The following CLEC16A variants were observed in gnomAD, a reference collection of about 807,000 sequenced individuals.
CLEC16A encodes the protein protein CLEC16A.
CLEC16A carries 51 observed loss-of-function variants against 109.5 expected under a neutral mutation model. The ratio of observed to expected loss-of-function variants is 0.47; its 90% CI spans 0.37 to 0.59. The LOEUF is 0.59. Among genes scored for constraint, CLEC16A ranks in the 20% least tolerant of loss-of-function variants. The pLI is 0.00. For synonymous variants in CLEC16A, 673 were observed against 564.2 expected (o/e 1.19, Z -2.73); for missense variants, 1,339 against 1,394.0 (o/e 0.96, Z 0.63).
Position 11,120,684 on chromosome 16 carries a change from T to C in CLEC16A, c.2186T>C (p.Val729Ala). 2 of 1,612,602 alleles carry C rather than the reference T, an allele frequency of 1.2e-6. No individual in the cohort carries two copies. The highest frequency in any genetic ancestry group is 1.1e-5 in the South Asian group (1 of 90,568). The change falls in exon 20 of 24, where the codon GTG (valine) becomes GCG (alanine). Residue 729 changes from valine to alanine, a missense_variant. Val to Ala is a moderately conservative substitution (Grantham distance 64). Coordinates refer to ENST00000409790, the MANE Select transcript of CLEC16A (RefSeq NM_015226.3). ...GGCATGGTCCAGCGATTCCTGGCTG[T>C]GGATATTTACCAGATGAGTTTGGTG... is the stretch of plus-strand genomic sequence containing the variant. Reference protein sequence around the residue: ...DGGMVQRFLAVDIYQMSLVEP... With the variant: ...DGGMVQRFLAADIYQMSLVEP...
chr16:10,952,129 C>T (rs1386929550), intron 1 of CLEC16A, among the ~76,000 whole-genome samples: 3 of 152,202 alleles, frequency 2.0e-5, no homozygotes, highest in Non-Finnish European at 2.9e-5. Flanking sequence ...ACCACGGTTG[C>T]CGTTTCTCTT....
chr16:11,112,250 C>T (rs985348687), intron 19 of CLEC16A, among the ~76,000 whole-genome samples: 17 of 152,168 alleles, frequency 1.1e-4, no homozygotes, highest in African/African-American at 3.9e-4. Context: ...GTTGCCTCTG[C>T]AGAGGGGCAC....
rs1175091218 is a variant in CLEC16A, at chr16:11,059,049, CAT to C, written c.1996-1852_1996-1851del. Among the ~76,000 whole-genome samples, 39 of 152,188 alleles carry C rather than the reference CAT, an allele frequency of 2.6e-4. 3 individuals are homozygous for C. Among genetic ancestry groups the C allele is most frequent in the African/African-American group, 2.4e-5 (1 of 41,442 alleles). ...CTGGTGCACTTGGTTAAGTGACACA[CAT>C]GTCATACATTCCTGAGTTCACACCC... is the stretch of plus-strand genomic sequence containing the variant. On this transcript the variant is annotated intron_variant, in intron 18 of 23. Transcript: ENST00000409790.
chr16:10,960,896 G>C (rs770804423), intron 2 of CLEC16A, among the ~76,000 whole-genome samples: 3 of 152,080 alleles, frequency 2.0e-5, no homozygotes, highest in Non-Finnish European at 4.4e-5. Context: ...GTATCCCCTC[G>C]ATATGCTCTC....
chr16:11,110,490 C>T (rs766378725), intron 19 of CLEC16A, among the ~76,000 whole-genome samples: 1 of 152,126 alleles, frequency 6.6e-6, no homozygotes, highest in Non-Finnish European at 1.5e-5. Context: ...TGAAAAACAA[C>T]CGAAAACCAT....
At chr16:11,161,023 C>T (rs2054704398) in intron 22 of CLEC16A, among the ~76,000 whole-genome samples, 1 of 152,204 alleles carries the variant, frequency 6.6e-6, no homozygotes, top group African/African-American at 2.4e-5. Flanking sequence ...GTAACTGCAA[C>T]CGAAAGGGAG....
chr16:11,089,643 C>T (rs906212117), intron 19 of CLEC16A, among the ~76,000 whole-genome samples: 1 of 152,196 alleles, frequency 6.6e-6, no homozygotes, highest in Non-Finnish European at 1.5e-5. Flanking sequence ...AGAAGCTTAC[C>T]CATCTGCTGA....
At chr16:11,173,056 A>G (rs957791989) in intron 23 of CLEC16A, among the ~76,000 whole-genome samples, 9 of 152,102 alleles carry the variant, frequency 5.9e-5, no homozygotes, top group African/African-American at 1.7e-4. Context: ...CCTGTGTCCA[A>G]GAGAGCCCCC....
chr16:11,164,670 G>A (rs116155717), intron 22 of CLEC16A, among the ~76,000 whole-genome samples: 2,250 of 152,336 alleles, frequency 0.015, 58 homozygotes, highest in African/African-American at 0.051. Context: ...CCATGTGGTC[G>A]CTATGGCAAC....
rs1323233981 is a variant in CLEC16A at position 11,051,661 on chromosome 16, G to C, written c.1995+20G>C. Reference sequence around the variant, plus strand: ...CGGCGGGTGAGTGAGCACAGGACCTGTCATCTCCTGGGCCACTGTTCTCCA... The same window carrying C: ...CGGCGGGTGAGTGAGCACAGGACCTCTCATCTCCTGGGCCACTGTTCTCCA... On this transcript the variant is annotated intron_variant, in intron 18 of 23. Coordinates refer to ENST00000409790, the MANE Select transcript of CLEC16A (RefSeq NM_015226.3). 2 of 1,610,728 alleles carry C rather than the reference G, an allele frequency of 1.2e-6. No homozygotes were observed. Among genetic ancestry groups the C allele is most frequent in the Admixed American group, 1.7e-5 (1 of 59,990 alleles).
chr16:11,059,196 TG>T (rs1436027685), intron 18 of CLEC16A, among the ~76,000 whole-genome samples: 1 of 152,316 alleles, frequency 6.6e-6, no homozygotes, highest in South Asian at 2.1e-4. Flanking sequence ...ACCCCGTAAG[TG>T]CTTAAAAAAT....
intron 22 of CLEC16A, among the ~76,000 whole-genome samples, chr16:11,163,662 T>C (rs1208655056): frequency 3.3e-5 from 5 of 152,234 alleles, no homozygotes; most frequent in African/African-American, 1.2e-4. Flanking sequence ...ACCAGGTTTA[T>C]GATGCTGTAA....
chr16:11,167,409 C>T (rs1342641720), intron 23 of CLEC16A, among the ~76,000 whole-genome samples: 2 of 152,190 alleles, frequency 1.3e-5, no homozygotes, highest in Non-Finnish European at 2.9e-5. Flanking sequence ...AGCCCTCACT[C>T]ATCATATTTC....
At chr16:11,166,263 C>G (rs183602104) in intron 22 of CLEC16A, 125 bp from the exon 23 acceptor site, 28 of 1,069,860 alleles carry the variant, frequency 2.6e-5, no homozygotes, top group Admixed American at 1.9e-4. Context: ...TGAGGTCAGC[C>G]TGTTCCAGGG....
Position 10,961,617 on chromosome 16 carries a change from ATCCTATC to A in CLEC16A, c.210-837_210-831del, listed in dbSNP as rs1192605588. On this transcript the variant is annotated intron_variant, in intron 2 of 23. Transcript: ENST00000409790. This position sits in a 1 kb window ranked among gnomAD's most constrained non-coding sequence, Gnocchi z 4.3. ...GCCGCTAGGCTGTGTACAGACAAGT[ATCCTATC>A]CACAAGGAGAAAGGCAGAAACAGAC... 6.6e-6 allele frequency among the ~76,000 whole-genome samples: 1 copy of A among 152,234 alleles called. No homozygotes were observed. Among genetic ancestry groups the A allele is most frequent in the Non-Finnish European group, 1.5e-5 (1 of 68,026 alleles).
chr16:11,027,199 A>T, intron 13 of CLEC16A: 1 of 1,387,100 alleles, frequency 7.2e-7, no homozygotes, highest in Non-Finnish European at 1.0e-6. Flanking sequence ...CTACATGATT[A>T]CTGGCAGCAG....
rs199821701 is a variant in CLEC16A at position 11,003,227 on chromosome 16, G to A, written c.1225G>A (p.Asp409Asn). 11 of 1,613,442 alleles carry A rather than the reference G, an allele frequency of 6.8e-6. No homozygotes were observed. Among genetic ancestry groups the A allele is most frequent in the South Asian group, 1.1e-5 (1 of 91,046 alleles). ...AGATGAGGAGAAAGGGCCCACCGAG[G>A]ATGCCCAAGAAGACGCCGAGAAGGC... ...EEDEEKGPTE[D>N]AQEDAEKAKG... The change falls in exon 11 of 24, where the codon GAT becomes AAT. Residue 409 changes from aspartate to asparagine, a missense_variant. This residue lies in a region of CLEC16A where 1,061 missense variants were observed against 1,006.8 expected (regional missense o/e 1.05). Coordinates refer to ENST00000409790, the MANE Select transcript of CLEC16A (RefSeq NM_015226.3).
chr16:11,168,138 C>A (rs1033514411), intron 23 of CLEC16A, among the ~76,000 whole-genome samples: 11 of 152,120 alleles, frequency 7.2e-5, no homozygotes, highest in African/African-American at 2.4e-4. Context: ...CAAAAATGAT[C>A]AAAAATGGGC....
chr16:11,154,448 T>G (rs191369352), intron 22 of CLEC16A, among the ~76,000 whole-genome samples: 2 of 152,364 alleles, frequency 1.3e-5, no homozygotes, highest in East Asian at 3.9e-4. Flanking sequence ...ATAAATCCTT[T>G]AAACCTAGAT....
Sources: allele counts gnomAD v4.1 joint callset (sites outside exome capture counted in the v4.1 genomes callset), GRCh38; gene constraint gnomAD v4.1.1; regional missense constraint gnomAD v4.1.1; non-coding constraint Gnocchi (gnomAD v3.1); transcripts MANE v1.5; gene names NCBI Gene and HGNC (gene_info 2026-07-23, HGNC 2026-07-21).